EDIL3: variants seen among roughly 807,000 people sequenced by gnomAD.
The protein encoded by EDIL3 is EGF-like repeat and discoidin I-like domain-containing protein 3.
Under a neutral mutation model 67.4 loss-of-function variants are expected in EDIL3, and 37 were observed. The ratio of observed to expected loss-of-function variants is 0.55; its 90% CI spans 0.42 to 0.72. EDIL3 has a LOEUF of 0.72. Ranked by LOEUF, EDIL3 falls within the 30% of genes least tolerant of loss-of-function variation. The pLI is 0.00. For synonymous variants in EDIL3, 195 were observed against 196.3 expected, an observed-to-expected ratio of 0.99 and a Z score of 0.05; for missense variants, 527 against 586.3, an observed-to-expected ratio of 0.90 and a Z score of 1.04.
chr5:84,299,690 A>C lies in EDIL3; in HGVS notation c.68-45478T>G, dbSNP rs557031537. On this transcript the variant is annotated intron_variant, in intron 1 of 10. Transcript: ENST00000296591. ...CTAGTTTTCATATGTACAAAGTTTC[A>C]TTTTTCTTGGAGTTAGTAATTGCCT... 8.5e-5 allele frequency among the ~76,000 whole-genome samples: 13 copies of C among 152,138 alleles called. No individual in the cohort carries two copies. The South Asian group carries it at 2.7e-3, about 32-fold the overall frequency.
intron 4 of EDIL3, among the ~76,000 whole-genome samples, chr5:84,169,027 T>A (rs1748762909): frequency 6.6e-6 from 1 of 152,066 alleles, no homozygotes; most frequent in Non-Finnish European, 1.5e-5. Flanking sequence ...TAGGATTCAA[T>A]ACTTGCTAAT....
chr5:83,996,384 G>C (rs1745238591), intron 9 of EDIL3, among the ~76,000 whole-genome samples: 1 of 152,162 alleles, frequency 6.6e-6, no homozygotes, highest in African/African-American at 2.4e-5. Flanking sequence ...AGCAGCAGAA[G>C]GAACAAGGCT....
chr5:84,044,848 G>A (rs1400077709), intron 9 of EDIL3, among the ~76,000 whole-genome samples: 1 of 152,200 alleles, frequency 6.6e-6, no homozygotes, highest in Non-Finnish European at 1.5e-5. Context: ...CAACAGAGAT[G>A]AGGGTGGGCT....
intron 4 of EDIL3, among the ~76,000 whole-genome samples, chr5:84,152,071 C>T (rs1284877395): frequency 6.6e-6 from 1 of 152,056 alleles, no homozygotes; most frequent in Non-Finnish European, 1.5e-5. Context: ...AAGCATGAGC[C>T]ACCATGCCCA....
At chr5:84,180,161 A>T (rs1278054042) in intron 4 of EDIL3, among the ~76,000 whole-genome samples, 1 of 152,138 alleles carries the variant, frequency 6.6e-6, no homozygotes, top group Non-Finnish European at 1.5e-5. Context: ...CAATAATAAA[A>T]AGGGATGACC....
intron 1 of EDIL3, among the ~76,000 whole-genome samples, chr5:84,297,394 A>G (rs1436377560): frequency 1.3e-5 from 2 of 152,198 alleles, no homozygotes; most frequent in Non-Finnish European, 2.9e-5. Flanking sequence ...GATGCTGATG[A>G]GGTTTCAGAG....
In EDIL3 at chr5:84,195,687, G is replaced by A. The variant is rs373148855; in HGVS notation, c.227-15166C>T. Among the ~76,000 whole-genome samples the A allele has an allele frequency of 7.2e-5, 11 of 152,114 alleles. No individual in the cohort carries two copies. In the East Asian group the frequency reaches 9.7e-4, roughly 13 times the overall value. On this transcript the variant is annotated intron_variant, in intron 3 of 10. Transcript: ENST00000296591. ...GATTGGCAAGCAGCAAAGAATGACC[G>A]TGCTTTGGGCTTAGAAGGATAACCA...
At chr5:83,947,369 CTGTGTGTGTGTG>C (rs34059015) in intron 10 of EDIL3, among the ~76,000 whole-genome samples, 2 of 129,540 alleles carry the variant, frequency 1.5e-5, no homozygotes, top group East Asian at 4.4e-4. Context: ...GTGTCTGTGT[CTGTGTGTGTGTG>C]TGTGTGTGTG....
intron 8 of EDIL3, 123 bp from the exon 9 acceptor site, chr5:84,060,607 C>T (rs1323029328): frequency 9.8e-7 from 1 of 1,022,610 alleles, no homozygotes; most frequent in Non-Finnish European, 1.4e-6. Flanking sequence ...AAAGAGAAAA[C>T]ATCTAAATCC....
At chr5:84,100,938 C>A (rs1236733186) in intron 6 of EDIL3, among the ~76,000 whole-genome samples, 1 of 151,856 alleles carries the variant, frequency 6.6e-6, no homozygotes, top group African/African-American at 2.4e-5. Context: ...AACTTAAGGC[C>A]CTTTTTCTTT....
intron 5 of EDIL3, among the ~76,000 whole-genome samples, chr5:84,133,464 C>CAAAAAAAAAAAAAAAAAAAAA (rs5869210): frequency 1.2e-5 from 1 of 86,538 alleles, no homozygotes; most frequent in Non-Finnish European, 2.2e-5. Context: ...ACTAAAAATA[C>CAAAAAAAAAAAAAAAAAAAAA]AAAAAAAAAA....
At position 84,075,578 on chromosome 5, in the gene EDIL3, C is replaced by T. The variant is rs1017190190; in HGVS notation, c.652-8972G>A. Among the ~76,000 whole-genome samples the T allele has an allele frequency of 1.1e-4, 16 of 152,194 alleles. No individual in the cohort carries two copies. The Middle Eastern group carries it at 0.01, about 97-fold the overall frequency. On this transcript the variant is annotated intron_variant, in intron 6 of 10. Transcript: ENST00000296591. ...GCAAACTCCGCCTCCCAGGTTCAAG[C>T]AATTCTCCTGCCTTAGCCTCTCGAA...
intron 5 of EDIL3, among the ~76,000 whole-genome samples, chr5:84,135,289 G>C (rs905118381): frequency 6.6e-6 from 1 of 152,072 alleles, no homozygotes; most frequent in African/African-American, 2.4e-5. Context: ...CCCCGCAATT[G>C]TTCCCCTAGT....
chr5:84,075,255 C>T (rs1270635727), intron 6 of EDIL3, among the ~76,000 whole-genome samples: 3 of 151,562 alleles, frequency 2.0e-5, no homozygotes, highest in African/African-American at 4.9e-5. Context: ...TGCTAAATGA[C>T]GAGTTAATGG....
intron 6 of EDIL3, among the ~76,000 whole-genome samples, chr5:84,073,050 T>C (rs1023766473): frequency 3.9e-5 from 6 of 152,110 alleles, no homozygotes; most frequent in Non-Finnish European, 5.9e-5. Flanking sequence ...CAGGGGCTGC[T>C]TCTTCTTCTT....
rs191177689 is a variant in EDIL3 at position 84,008,615 on chromosome 5, T to C, written c.1138-45255A>G. On this transcript the variant is annotated intron_variant, in intron 9 of 10. Transcript: ENST00000296591. ...GGGTTAGGAGAAAAATGATATATTA[T>C]TAAAGAAGAAGTAATGTTTTAATAA... Among the ~76,000 whole-genome samples, 361 of 152,198 alleles carry C rather than the reference T, an allele frequency of 2.4e-3. 6 individuals are homozygous for C. The South Asian group carries it at 0.033, about 14-fold the overall frequency.
At chr5:84,025,114 T>G (rs1745788729) in intron 9 of EDIL3, among the ~76,000 whole-genome samples, 1 of 152,124 alleles carries the variant, frequency 6.6e-6, no homozygotes, top group Admixed American at 6.6e-5. Flanking sequence ...GAAATGAGTT[T>G]ACCTTGAAGG....
intron 8 of EDIL3, among the ~76,000 whole-genome samples, chr5:84,062,300 C>A (rs1379290764): frequency 6.6e-6 from 1 of 152,026 alleles, no homozygotes; most frequent in African/African-American, 2.4e-5. Flanking sequence ...CTGACTTGTT[C>A]TTTTATCCCC....
At chr5:84,305,180 C>T (rs1342024574) in intron 1 of EDIL3, among the ~76,000 whole-genome samples, 1 of 152,058 alleles carries the variant, frequency 6.6e-6, no homozygotes, top group Non-Finnish European at 1.5e-5. Context: ...ATTAAATAAC[C>T]CAGATTTCAC....
Sources: gnomAD v4.1 joint callset for allele counts (sites outside exome capture counted in the v4.1 genomes callset) on GRCh38, gnomAD v4.1.1 for gene constraint, MANE v1.5 for transcripts, NCBI Gene and HGNC (gene_info 2026-07-23, HGNC 2026-07-21) for gene names.